Variants in AGBL1 observed in about 807,000 individuals in gnomAD.
The protein encoded by AGBL1 is cytosolic carboxypeptidase 4.
A neutral mutation model predicts 118.9 loss-of-function variants in AGBL1; 130 were observed. That is an observed-to-expected ratio of 1.09 (90% CI 0.95 to 1.26). The LOEUF is 1.26. AGBL1 is among the 50% of genes most tolerant of loss of function. The probability of loss-of-function intolerance (pLI) is 0.00; values close to 1 mark genes in which losing one functional copy is unlikely to be tolerated. For synonymous variants in AGBL1, 555 were observed against 478.9 expected (o/e 1.16, Z -2.08); for missense variants, 1,584 against 1,298.1 (o/e 1.22, Z -3.38).
At chr15:86,258,570 A>C (rs2078934280) in intron 9 of AGBL1, among the ~76,000 whole-genome samples, 1 of 152,206 alleles carries the variant, frequency 6.6e-6, no homozygotes. Context: ...GAGGTTGGTG[A>C]ACTTCCTATA....
chr15:86,974,496 TATATATTGAATATAAATATATATA>T (rs2081150685), intron 23 of AGBL1, among the ~76,000 whole-genome samples: 1 of 126,440 alleles, frequency 7.9e-6, no homozygotes, highest in Non-Finnish European at 1.7e-5. Context: ...AAACATATTT[TATATATTGAATATAAATATATATA>T]ATATATATTA....
intron 17 of AGBL1, among the ~76,000 whole-genome samples, chr15:86,395,397 C>T (rs181235766): frequency 1.2e-3 from 189 of 152,116 alleles, no homozygotes; most frequent in Middle Eastern, 6.8e-3. Context: ...ATGTGAATAC[C>T]ATCACATCTT....
intron 22 of AGBL1, among the ~76,000 whole-genome samples, chr15:86,706,359 A>G (rs371038691): frequency 1.3e-4 from 20 of 152,098 alleles, no homozygotes; most frequent in African/African-American, 3.1e-4. Context: ...GAAAAGCTCT[A>G]TTTAATAAAA....
chr15:86,810,481 C>A (rs952569025), intron 22 of AGBL1, among the ~76,000 whole-genome samples: 6 of 152,098 alleles, frequency 3.9e-5, no homozygotes, highest in African/African-American at 1.4e-4. Context: ...TATTAATCAG[C>A]ACCTCTGAAA....
intron 22 of AGBL1, among the ~76,000 whole-genome samples, chr15:86,791,723 G>GTT (rs201460905): frequency 0.017 from 1,834 of 106,930 alleles, 44 homozygotes; most frequent in African/African-American, 0.059. Flanking sequence ...ATCTTTCCTT[G>GTT]TTTTTTATAT....
intron 18 of AGBL1, among the ~76,000 whole-genome samples, chr15:86,476,437 T>A (rs1377493183): frequency 1.3e-5 from 2 of 152,102 alleles, no homozygotes; most frequent in African/African-American, 4.8e-5. Flanking sequence ...AATCCTAGTC[T>A]CTAATAAAAC....
At chr15:86,733,621 A>T (rs928266548) in intron 22 of AGBL1, among the ~76,000 whole-genome samples, 4 of 152,152 alleles carry the variant, frequency 2.6e-5, no homozygotes, top group African/African-American at 9.7e-5. Flanking sequence ...TTGTATTTAA[A>T]TATCACTAAC....
At chr15:86,441,904 G>A (rs1042330232) in intron 18 of AGBL1, among the ~76,000 whole-genome samples, 2 of 152,220 alleles carry the variant, frequency 1.3e-5, no homozygotes, top group African/African-American at 2.4e-5. Flanking sequence ...CTTGAACAGG[G>A]AAGGATCAGA....
chr15:86,666,902 T>C (rs1263133876), intron 21 of AGBL1, among the ~76,000 whole-genome samples: 3 of 152,130 alleles, frequency 2.0e-5, no homozygotes, highest in Non-Finnish European at 4.4e-5. Context: ...CCCAGCAATA[T>C]GGGTCTTGGG....
intron 23 of AGBL1, among the ~76,000 whole-genome samples, chr15:86,941,113 A>T (rs1050925379): frequency 2.6e-5 from 4 of 152,236 alleles, no homozygotes; most frequent in Non-Finnish European, 5.9e-5. Context: ...TGAAGTAAAA[A>T]ACATGGTTCT....
rs1444774726 is a variant in AGBL1, at chr15:86,716,598, AG to A, written c.3158+42163del. On this transcript the variant is annotated intron_variant, in intron 22 of 22. Coordinates refer to ENST00000614907, the MANE Select transcript of AGBL1 (RefSeq NM_001386094.1). ...AAAATAGAAAAAGCAGTAAGAAAAA[AG>A]CTCACGGCTATCTCCAGCCAATACT... 1.1e-4 allele frequency among the ~76,000 whole-genome samples: 17 copies of A among 152,324 alleles called. No homozygotes were observed. In the East Asian group the frequency reaches 3.1e-3, roughly 28 times the overall value.
chr15:86,422,079 G>A (rs528083751), intron 18 of AGBL1, among the ~76,000 whole-genome samples: 3 of 152,158 alleles, frequency 2.0e-5, no homozygotes, highest in African/African-American at 7.2e-5. Context: ...CTTGAACTAA[G>A]CTCTAGACCA....
At chr15:86,803,823 G>A (rs1388412306) in intron 22 of AGBL1, among the ~76,000 whole-genome samples, 2 of 152,110 alleles carry the variant, frequency 1.3e-5, no homozygotes, top group Non-Finnish European at 2.9e-5. Flanking sequence ...CACAACTTGG[G>A]GCAGGGGTGG....
intron 18 of AGBL1, among the ~76,000 whole-genome samples, chr15:86,468,315 T>C (rs2082432997): frequency 6.6e-6 from 1 of 152,188 alleles, no homozygotes; most frequent in Non-Finnish European, 1.5e-5. Flanking sequence ...AACGGAAATC[T>C]AGAAACCCTG....
rs559025969 is a variant in AGBL1, at chr15:86,142,050, G to A, written c.98G>A (p.Gly33Glu). 2.8e-5 allele frequency: 43 copies of A among 1,550,216 alleles called. 1 individual carries two copies. In the South Asian group the frequency reaches 4.8e-4, roughly 17 times the overall value. Residue 33 changes from glycine (G) to glutamate (E), a missense_variant, in exon 2 of 23, where the codon GGA becomes GAA. Transcript: ENST00000614907. ...ESILTILKVL[G>E]DLLSVGTDRR... Reference sequence around the variant, plus strand: ...ATCCTGACCATCCTCAAGGTCCTCGGAGATCTGCTTTCTGTTGGTGAGTAG... The same window carrying A: ...ATCCTGACCATCCTCAAGGTCCTCGAAGATCTGCTTTCTGTTGGTGAGTAG...
At chr15:86,635,691 A>G (rs2085071153) in intron 21 of AGBL1, among the ~76,000 whole-genome samples, 1 of 152,138 alleles carries the variant, frequency 6.6e-6, no homozygotes, top group Non-Finnish European at 1.5e-5. Flanking sequence ...CTCTATAAGA[A>G]AAAGATTACA....
chr15:86,817,950 T>C (rs1333016466), intron 22 of AGBL1, among the ~76,000 whole-genome samples: 1 of 152,076 alleles, frequency 6.6e-6, no homozygotes, highest in Non-Finnish European at 1.5e-5. Context: ...AGGCAGAGAT[T>C]AGAGTGATGG....
rs561161470 is a variant in AGBL1, at chr15:86,517,377, G to A, written c.2556-5433G>A. Among the ~76,000 whole-genome samples, 4 of 152,284 alleles carry A rather than the reference G, an allele frequency of 2.6e-5. No homozygotes were observed. In the South Asian group the frequency reaches 8.3e-4, roughly 32 times the overall value. ...ACTAGAGTTTCTACATATCTCACAG[G>A]CTACCAGGTAATGTTGTTGCTCCTC... On this transcript the variant is annotated intron_variant, in intron 18 of 22. Transcript: ENST00000614907.
At chr15:86,880,274 T>G (rs1451061668) in intron 22 of AGBL1, among the ~76,000 whole-genome samples, 4 of 152,188 alleles carry the variant, frequency 2.6e-5, no homozygotes, top group Non-Finnish European at 5.9e-5. Flanking sequence ...ATTCACTCAT[T>G]TAGAGGACTC....
Sources: gnomAD v4.1 joint callset for allele counts (sites outside exome capture counted in the v4.1 genomes callset) on GRCh38, gnomAD v4.1.1 for gene constraint, MANE v1.5 for transcripts, NCBI Gene and HGNC (gene_info 2026-07-23, HGNC 2026-07-21) for gene names.